MACROD2: variants seen among roughly 807,000 people sequenced by gnomAD.
MACROD2 encodes the protein ADP-ribose glycohydrolase MACROD2.
A neutral mutation model predicts 70.4 loss-of-function variants in MACROD2; 36 were observed. That is an observed-to-expected ratio of 0.51 (90% confidence interval 0.39 to 0.68). The LOEUF is 0.68. MACROD2 is among the 30% of genes least tolerant of loss of function. The pLI is 0.00. For missense variants in MACROD2, 496 were observed against 538.4 expected, an observed-to-expected ratio of 0.92 and a Z score of 0.78; for synonymous variants, 172 against 178.8, an observed-to-expected ratio of 0.96 and a Z score of 0.30.
At chr20:15,917,854 AGG>A (rs2065342351) in intron 10 of MACROD2, among the ~76,000 whole-genome samples, 1 of 151,172 alleles carries the variant, frequency 6.6e-6, no homozygotes, top group African/African-American at 2.5e-5. Flanking sequence ...GAGGGAAAAA[AGG>A]AAAAAAAAAA....
chr20:15,743,629 G>T (rs549688577), intron 8 of MACROD2, among the ~76,000 whole-genome samples: 1 of 151,734 alleles, frequency 6.6e-6, no homozygotes, highest in South Asian at 2.1e-4. Context: ...AAAATCTCTG[G>T]GCTTTCCTCC....
At chr20:15,705,689 C>T (rs540872984) in intron 8 of MACROD2, among the ~76,000 whole-genome samples, 15 of 152,162 alleles carry the variant, frequency 9.9e-5, no homozygotes, top group Non-Finnish European at 1.6e-4. Context: ...ATTACAGGCA[C>T]GAGCCATGGC....
chr20:14,766,802 A>G (rs182170763), intron 5 of MACROD2, among the ~76,000 whole-genome samples: 1 of 152,258 alleles, frequency 6.6e-6, no homozygotes, highest in Admixed American at 6.5e-5. Flanking sequence ...ACAGTAATCA[A>G]CGCAAAAGAA....
At chr20:15,310,979 CAT>C (rs1247285831) in intron 6 of MACROD2, among the ~76,000 whole-genome samples, 3 of 152,044 alleles carry the variant, frequency 2.0e-5, no homozygotes, top group Non-Finnish European at 4.4e-5. Flanking sequence ...TTTCACTTTC[CAT>C]ATGTTTTACT....
In MACROD2 at chr20:14,811,406, C is replaced by A. The variant is rs548365181; in HGVS notation, c.418+126447C>A. 2.3e-3 allele frequency among the ~76,000 whole-genome samples: 349 copies of A among 152,094 alleles called. 5 individuals are homozygous for A. The highest frequency in any genetic ancestry group is 3.1e-3 in the Non-Finnish European group (210 of 67,976). ...CTGTATGCAGAAAACTGAAACTGGA[C>A]CCCTTCCTTACACCTTTTACAAAAT... On this transcript the variant is annotated intron_variant, in intron 5 of 17. Transcript: ENST00000684519.
At chr20:14,344,167 T>C (rs1753066797) in intron 3 of MACROD2, among the ~76,000 whole-genome samples, 1 of 152,220 alleles carries the variant, frequency 6.6e-6, no homozygotes, top group Non-Finnish European at 1.5e-5. Context: ...TTCTATTTTA[T>C]CAGTTTATTA....
chr20:15,836,251 G>A (rs927589584), intron 8 of MACROD2, among the ~76,000 whole-genome samples: 4 of 152,196 alleles, frequency 2.6e-5, no homozygotes, highest in African/African-American at 7.2e-5. Flanking sequence ...AAATGGATTT[G>A]ATGCAGATGT....
At chr20:15,914,693 C>T (rs1267794384) in intron 10 of MACROD2, among the ~76,000 whole-genome samples, 1 of 152,144 alleles carries the variant, frequency 6.6e-6, no homozygotes, top group Non-Finnish European at 1.5e-5. Context: ...AGTTGTTCTA[C>T]AATTTAAGTC....
intron 6 of MACROD2, among the ~76,000 whole-genome samples, chr20:15,427,562 G>A (rs985813872): frequency 3.3e-5 from 5 of 152,164 alleles, no homozygotes; most frequent in African/African-American, 1.2e-4. Context: ...GAGAGAGGAA[G>A]CAGGAGTAGG....
intron 5 of MACROD2, among the ~76,000 whole-genome samples, chr20:15,060,450 AC>A (rs1007877810): frequency 5.9e-5 from 9 of 152,154 alleles, no homozygotes. Flanking sequence ...TTGACTGCAG[AC>A]CCACAGAGGC....
At chr20:14,945,623 T>C (rs949145419) in intron 5 of MACROD2, among the ~76,000 whole-genome samples, 5 of 152,158 alleles carry the variant, frequency 3.3e-5, no homozygotes, top group African/African-American at 1.2e-4. Context: ...AAAGCTGTTT[T>C]CTAGGAACTC....
At chr20:15,850,895 G>C (rs2064290316) in intron 8 of MACROD2, among the ~76,000 whole-genome samples, 1 of 152,112 alleles carries the variant, frequency 6.6e-6, no homozygotes, top group Non-Finnish European at 1.5e-5. Context: ...AACAAGTCCT[G>C]ACTTCTTACC....
chr20:14,069,029 A>G (rs1387687960), intron 2 of MACROD2, among the ~76,000 whole-genome samples: 4 of 151,936 alleles, frequency 2.6e-5, no homozygotes, highest in African/African-American at 9.7e-5. Flanking sequence ...GCTCACTGCC[A>G]CCTCTGCTGC....
At chr20:14,169,683 G>A (rs1310236755) in intron 3 of MACROD2, among the ~76,000 whole-genome samples, 1 of 152,024 alleles carries the variant, frequency 6.6e-6, no homozygotes, top group Non-Finnish European at 1.5e-5. Flanking sequence ...TTTATAAGTA[G>A]TGCAGGTATT....
chr20:14,444,966 C>T (rs78531094), intron 3 of MACROD2, among the ~76,000 whole-genome samples: 3,485 of 152,100 alleles, frequency 0.023, 152 homozygotes, highest in African/African-American at 0.08. Flanking sequence ...CACCTCTCTC[C>T]TGGATTGCTA....
intron 15 of MACROD2, among the ~76,000 whole-genome samples, chr20:16,001,540 T>C: frequency 6.6e-6 from 1 of 152,246 alleles, no homozygotes; most frequent in Non-Finnish European, 1.5e-5. Flanking sequence ...ATTTTTTACA[T>C]AGAAGCACAT....
At chr20:15,571,451 T>C (rs1394875161) in intron 8 of MACROD2, among the ~76,000 whole-genome samples, 1 of 152,046 alleles carries the variant, frequency 6.6e-6, no homozygotes, top group East Asian at 1.9e-4. Flanking sequence ...AATGTTACTT[T>C]GTTAGGAAAA....
chr20:13,996,323 C>T (rs2052651824), intron 1 of MACROD2: 1 of 169,110 alleles, frequency 5.9e-6, no homozygotes, highest in African/African-American at 2.4e-5. Context: ...TACCCACCAT[C>T]GGGTGTTTAC....
chr20:15,777,596 T>C (rs2051751465), intron 8 of MACROD2, among the ~76,000 whole-genome samples: 1 of 132,096 alleles, frequency 7.6e-6, no homozygotes, highest in African/African-American at 2.9e-5. Context: ...CTTCCTTCCT[T>C]CCTTCCCTCC....
Sources: gnomAD v4.1 joint callset for allele counts (sites outside exome capture counted in the v4.1 genomes callset) on GRCh38, gnomAD v4.1.1 for gene constraint, MANE v1.5 for transcripts, NCBI Gene and HGNC (gene_info 2026-07-23, HGNC 2026-07-21) for gene names.